The following LETM2 variants were observed in gnomAD, a reference collection of about 807,000 sequenced individuals.
The protein encoded by LETM2 is LETM1 domain-containing protein LETM2, mitochondrial.
In LETM2, 58 loss-of-function variants were observed where a neutral mutation model predicts 59.6. That is an observed-to-expected ratio of 0.97 (90% CI 0.79 to 1.21). The LOEUF is 1.21. LETM2 is among the 50% of genes most tolerant of loss of function. LETM2 has a pLI of 0.00. For synonymous variants in LETM2, 199 were observed against 214.1 expected, an observed-to-expected ratio of 0.93 and a Z score of 0.62; for missense variants, 572 against 575.7, an observed-to-expected ratio of 0.99 and a Z score of 0.07.
chr8:38,392,506 T>C, intron 2 of LETM2, 36 bp from the exon 3 acceptor site: 3 of 1,202,476 alleles, frequency 2.5e-6, no homozygotes, highest in Non-Finnish European at 3.6e-6. Flanking sequence ...TGTAATAGTA[T>C]GTACTTAACT....
rs934727350 is a variant in LETM2, at chr8:38,386,501, T to C, written c.-102T>C. The C allele has an allele frequency of 1.3e-5, 2 of 152,272 alleles. No individual in the cohort carries two copies. Among genetic ancestry groups the C allele is most frequent in the African/African-American group, 4.8e-5 (2 of 41,440 alleles). The allele number at this position is 152,272 out of a possible 1,614,324, so 9.4% of individuals were successfully genotyped here. ...GTAGAGACTTGGCTTCGGGCCCTTC[T>C]AGCTTGGGGGTCCCGGGAAGGAGCT... is the stretch of plus-strand genomic sequence containing the variant. On this transcript the variant is annotated 5_prime_UTR_variant, in exon 1 of 11. Coordinates refer to ENST00000379957, the MANE Select transcript of LETM2 (RefSeq NM_001286819.2).
At chr8:38,400,165 T>C (rs1260240872) in intron 4 of LETM2, 107 bp from the exon 5 acceptor site, 2 of 788,538 alleles carry the variant, frequency 2.5e-6, no homozygotes, top group Non-Finnish European at 3.9e-6. Flanking sequence ...CGTTATTACA[T>C]GATGTAGGGA....
intron 2 of LETM2, among the ~76,000 whole-genome samples, chr8:38,390,744 G>A (rs112035500): frequency 0.12 from 17,765 of 147,106 alleles, 1,212 homozygotes; most frequent in Middle Eastern, 0.14. Context: ...GTGCAGTGGC[G>A]CAATCTTGGC....
Position 38,402,541 on chromosome 8 carries a change from G to A in LETM2, c.1001G>A (p.Gly334Glu), listed in dbSNP as rs780881691. Reference protein sequence around the residue: ...KADDEIIAKEGVTALSVSELQ... With the variant: ...KADDEIIAKEEVTALSVSELQ... ...TTCTTTCAGATAATTGCCAAGGAAG[G>A]GGTGACAGCATTGAGTGTATCAGAA... The change falls in exon 7 of 11, where the codon GGG becomes GAG. Residue 334 changes from glycine to glutamate, a missense_variant. By Grantham distance (98) the Gly-to-Glu change is moderately conservative. Coordinates refer to ENST00000379957, the MANE Select transcript of LETM2 (RefSeq NM_001286819.2). 32 of 1,613,934 alleles carry A rather than the reference G, an allele frequency of 2.0e-5. No homozygotes were observed. The highest frequency in any genetic ancestry group is 2.7e-5 in the Non-Finnish European group (32 of 1,179,842).
rs2150445293 is a variant in LETM2, at chr8:38,402,617, G to A, written c.1077G>A (p.Glu359=). The stretch of plus-strand genomic sequence containing the variant: ...GGATGAGATCACTGGGTCTCACGGA[G>A]GAACAACTGCGACAACAGCTCACGG... ...ARGMRSLGLT[E]EQLRQQLTEW... Residue 359 remains glutamate (E), a synonymous_variant, in exon 7 of 11, where the codon GAG becomes GAA. Coordinates refer to ENST00000379957, the MANE Select transcript of LETM2 (RefSeq NM_001286819.2). 6.2e-7 allele frequency: 1 copy of A among 1,614,134 alleles called. No homozygotes were observed. Among genetic ancestry groups the A allele is most frequent in the Non-Finnish European group, 8.5e-7 (1 of 1,180,004 alleles).
intron 4 of LETM2, among the ~76,000 whole-genome samples, chr8:38,398,862 G>C (rs1232227981): frequency 6.6e-6 from 1 of 151,768 alleles, no homozygotes; most frequent in Non-Finnish European, 1.5e-5. Flanking sequence ...TGGAATTACA[G>C]GCATGTGCCA....
intron 2 of LETM2, among the ~76,000 whole-genome samples, chr8:38,388,933 T>C (rs772567697): frequency 1.9e-4 from 29 of 151,416 alleles, no homozygotes; most frequent in Admixed American, 1.3e-3. Context: ...GTCCCACTAA[T>C]TTTTGTATTT....
Position 38,402,739 on chromosome 8 carries a change from G to A in LETM2, c.1104+95G>A, listed in dbSNP as rs777960739. Reference sequence around the variant, plus strand: ...GTGATTTCTCCTTTGCAAGTGAACCGTCTTACTTAATTTGCCTTATTTCAT... The same window carrying A: ...GTGATTTCTCCTTTGCAAGTGAACCATCTTACTTAATTTGCCTTATTTCAT... On this transcript the variant is annotated intron_variant, in intron 7 of 10. Transcript: ENST00000379957. The A allele has an allele frequency of 2.6e-4, 345 of 1,327,594 alleles. 1 individual carries two copies. The highest frequency in any genetic ancestry group is 1.5e-3 in the East Asian group (63 of 42,794). 82.2% of individuals were successfully genotyped at this position (1,327,594 alleles called of 1,614,324 possible).
At chr8:38,395,965 C>T (rs565089737) in intron 4 of LETM2, among the ~76,000 whole-genome samples, 1 of 152,130 alleles carries the variant, frequency 6.6e-6, no homozygotes, top group South Asian at 2.1e-4. Flanking sequence ...TTAACCATGT[C>T]TTTCACAGAG....
chr8:38,384,297 A>G (rs1201222985), upstream of LETM2, among the ~76,000 whole-genome samples: 2 of 152,254 alleles, frequency 1.3e-5, no homozygotes, highest in Non-Finnish European at 1.5e-5. Flanking sequence ...TCTAATAGCT[A>G]TGCTGACAGC....
At position 38,401,112 on chromosome 8, in the gene LETM2, G is replaced by A. The variant is rs533797211; in HGVS notation, c.984+59G>A. ...AAGGTTTTGGGACATACCTTAGGGT[G>A]CCTGTGGGATGAAGTGTGCAGTATT... On this transcript the variant is annotated intron_variant, in intron 6 of 10. Transcript: ENST00000379957. 312 of 1,352,856 alleles carry A rather than the reference G, an allele frequency of 2.3e-4. 2 individuals are homozygous for A. The East Asian group carries it at 6.3e-3, about 27-fold the overall frequency. 83.8% of individuals were successfully genotyped at this position (1,352,856 alleles called of 1,614,324 possible).
intron 4 of LETM2, among the ~76,000 whole-genome samples, chr8:38,395,304 C>G (rs1812600598): frequency 6.6e-6 from 1 of 152,190 alleles, no homozygotes; most frequent in Admixed American, 6.5e-5. Context: ...GCTAAACTGT[C>G]TTCCGAAGTG....
At position 38,404,423 on chromosome 8, in the gene LETM2, C is replaced by T. The variant is rs1019742176; in HGVS notation, c.1135C>T (p.Pro379Ser). The T allele has an allele frequency of 6.2e-7, 1 of 1,613,654 alleles. No individual in the cohort carries two copies. The highest frequency in any genetic ancestry group is 8.5e-7 in the Non-Finnish European group (1 of 1,179,628). The part of the protein sequence containing the change: ...WQDLHLKENV[P>S]PSLLLLSRTF... The stretch of plus-strand genomic sequence containing the variant: ...GGACCTCCACCTGAAGGAGAACGTC[C>T]CTCCTTCCCTTTTGCTCCTGTCCCG... Residue 379 changes from proline to serine, a missense_variant, in exon 8 of 11, where the codon CCT becomes TCT. Coordinates refer to ENST00000379957, the MANE Select transcript of LETM2 (RefSeq NM_001286819.2).
chr8:38,409,044 C>T lies in LETM2; in HGVS notation c.*770C>T, dbSNP rs1813975253. The T allele has an allele frequency of 6.6e-6, 1 of 152,206 alleles. No homozygotes were observed. The highest frequency in any genetic ancestry group is 2.4e-5 in the African/African-American group (1 of 41,444). The allele number at this position is 152,206 out of a possible 1,614,324, so 9.4% of individuals were successfully genotyped here. A position where few individuals can be genotyped will look rare whatever the true frequency, so the allele number is the denominator to read the frequency against. ...GCCAGTTTGTCTTTCACAAATAAGA[C>T]TATTAGTCATAGGGATTGTGAAAGT... On this transcript the variant is annotated 3_prime_UTR_variant, in exon 11 of 11. Coordinates refer to ENST00000379957, the MANE Select transcript of LETM2 (RefSeq NM_001286819.2).
Position 38,398,392 on chromosome 8 carries a change from T to C in LETM2, c.646-1880T>C, listed in dbSNP as rs374449557. 3.3e-5 allele frequency among the ~76,000 whole-genome samples: 5 copies of C among 152,348 alleles called. No individual in the cohort carries two copies. In the East Asian group the frequency reaches 7.7e-4, roughly 24 times the overall value. ...TCATTCCCTGAAACATACAAATATG[T>C]CTACATCATGGCCACAGTCTCAGAA... On this transcript the variant is annotated intron_variant, in intron 4 of 10. Transcript: ENST00000379957.
chr8:38,402,768 G>A, intron 7 of LETM2, 124 bp downstream of exon 7: 1 of 927,824 alleles, frequency 1.1e-6, no homozygotes, highest in South Asian at 1.6e-5. Flanking sequence ...ATTTCATTGA[G>A]CAGTGGGATG....
chr8:38,394,536 T>C, intron 4 of LETM2: 1 of 214,796 alleles, frequency 4.7e-6, no homozygotes, highest in East Asian at 1.0e-4. Flanking sequence ...CAAAATAGTT[T>C]CACTGCTCTA....
intron 7 of LETM2, among the ~76,000 whole-genome samples, chr8:38,403,882 A>G (rs958403355): frequency 1.3e-5 from 2 of 152,196 alleles, no homozygotes; most frequent in African/African-American, 4.8e-5. Flanking sequence ...TTAAGAAGAC[A>G]GAGTCTCACT....
intron 2 of LETM2, 65 bp downstream of exon 2, chr8:38,388,095 T>C (rs75062416): frequency 2.8e-6 from 3 of 1,068,678 alleles, no homozygotes; most frequent in East Asian, 2.6e-5. Flanking sequence ...TTTTTTTTTT[T>C]TCTGAGATGG....
Sources: allele counts gnomAD v4.1 joint callset (sites outside exome capture counted in the v4.1 genomes callset), GRCh38; gene constraint gnomAD v4.1.1; transcripts MANE v1.5; gene names NCBI Gene and HGNC (gene_info 2026-07-23, HGNC 2026-07-21).